HEPH: variants seen among roughly 807,000 people sequenced by gnomAD.
HEPH encodes hephaestin.
Under a neutral mutation model 80.8 loss-of-function variants are expected in HEPH, and 69 were observed. The observed-to-expected ratio is 0.85, with a 90% confidence interval of 0.70 to 1.04. The LOEUF (loss-of-function observed/expected upper bound fraction) is 1.04, where lower values mean the gene tolerates loss of function less well. Among genes scored for constraint, HEPH ranks in the 50% least tolerant of loss-of-function variants. The pLI is 0.00. For missense variants in HEPH, 1,115 were observed against 891.3 expected (o/e 1.25, Z -3.20); for synonymous variants, 431 against 322.8 (o/e 1.34, Z -3.60).
At chrX:66,232,391 T>C (rs1024349168) in intron 15 of HEPH, among the ~76,000 whole-genome samples, 2 of 111,915 alleles carry the variant, frequency 1.8e-5, no homozygotes, top group African/African-American at 3.2e-5. Flanking sequence ...ATACAGCTTC[T>C]CCTGTATTTA....
Position 66,266,790 on chromosome X carries a change from C to T in HEPH, c.*118C>T, listed in dbSNP as rs951143912. ...ATGGGTGGTGGAGAAGCAGAAGGAGCAATCAAGCTTATCTGGATATTTCTT... is the reference window on the plus strand; with the variant it reads ...ATGGGTGGTGGAGAAGCAGAAGGAGTAATCAAGCTTATCTGGATATTTCTT... On this transcript the variant is annotated 3_prime_UTR_variant, in exon 21 of 21. Transcript: ENST00000343002. The T allele has an allele frequency of 8.8e-5, 40 of 454,043 alleles. No individual in the cohort carries two copies. Among genetic ancestry groups the T allele is most frequent in the Non-Finnish European group, 1.2e-4 (32 of 261,183 alleles). The allele number at this position is 454,043 out of a possible 1,213,427, so 37.4% of individuals were successfully genotyped here.
chrX:66,266,128 C>CT (rs113576568), intron 20 of HEPH, among the ~76,000 whole-genome samples: 15,234 of 106,808 alleles, frequency 0.14, 1,066 homozygotes, highest in African/African-American at 0.23. Flanking sequence ...TCAAATTCAT[C>CT]TTTTTTTTTT....
rs753136898 is a variant in HEPH, at chrX:66,197,885, T to C, written c.1704T>C (p.Asp568=). The change falls in exon 10 of 21, where the codon GAT becomes GAC. Residue 568 remains aspartate, a synonymous_variant. Coordinates refer to ENST00000343002, the MANE Select transcript of HEPH (RefSeq NM_001367233.3). ...GCAGGGCTGGTGCCTTGGGTGCAGA[T>C]GGCAAGCAGGTATTGTCAGGGTTAT... ...LVCRAGALGA[D]GKQKGVDKEF... 8.4e-7 allele frequency: 1 copy of C among 1,194,147 alleles called. No individual in the cohort carries two copies. The highest frequency in any genetic ancestry group is 1.8e-5 in the African/African-American group (1 of 57,050).
chrX:66,172,370 C>G lies in HEPH; in HGVS notation c.183C>G (p.Phe61Leu). Residue 61 changes from phenylalanine (F) to leucine (L), a missense_variant, in exon 3 of 21, where the codon TTC becomes TTG. By Grantham distance (22) the Phe-to-Leu change is conservative. Coordinates refer to ENST00000343002, the MANE Select transcript of HEPH (RefSeq NM_001367233.3). ...PLDSDIVASS[F>L]LKSDKNRIGG... is the part of the protein sequence containing the mutation. ...TCTTTCCCAGAGTGGCTTCCAGCTT[C>G]TTAAAGTCTGACAAGAACCGGATAG... 8.5e-7 allele frequency: 1 copy of G among 1,182,779 alleles called. No individual in the cohort carries two copies. Among genetic ancestry groups the G allele is most frequent in the Non-Finnish European group, 1.1e-6 (1 of 881,466 alleles).
chrX:66,251,597 G>C (rs1422373071), intron 15 of HEPH, among the ~76,000 whole-genome samples: 2 of 111,418 alleles, frequency 1.8e-5, no homozygotes, highest in Non-Finnish European at 3.8e-5. Context: ...TTGGATACAA[G>C]AGTGAAGCCT....
At position 66,195,229 on chromosome X, in the gene HEPH, G is replaced by T. The variant is rs2147744626; in HGVS notation, c.1501G>T (p.Gly501Cys). The T allele has an allele frequency of 8.6e-7, 1 of 1,164,572 alleles. No individual in the cohort carries two copies. The highest frequency in any genetic ancestry group is 1.1e-6 in the Non-Finnish European group (1 of 871,891). ...KDYEGTVYND[G>C]SSYPGLVAKP... ...CTATGAAGGCACTGTGTACAATGAT[G>T]GTGAGCCAACAGGGTTTCTAGTAAA... The change falls in exon 9 of 21, where the codon GGC (glycine) becomes TGC (cysteine). Residue 501 changes from glycine to cysteine, a missense_variant and splice_region_variant. Physicochemically the swap from Gly to Cys is radical, Grantham distance 159. Around this residue, in one of 3 missense-constraint regions of HEPH, gnomAD observed 716 missense variants for 523.5 expected, o/e 1.37. Coordinates refer to ENST00000343002, the MANE Select transcript of HEPH (RefSeq NM_001367233.3).
intron 15 of HEPH, among the ~76,000 whole-genome samples, chrX:66,227,433 A>G (rs1285868887): frequency 1.8e-5 from 2 of 111,038 alleles, no homozygotes; most frequent in Non-Finnish European, 3.8e-5. Flanking sequence ...TGGAAATCAC[A>G]CAAGGGAAAG....
intron 8 of HEPH, 108 bp from the exon 9 acceptor site, chrX:66,194,990 T>A: frequency 1.5e-6 from 1 of 646,202 alleles, no homozygotes; most frequent in Non-Finnish European, 2.2e-6. Context: ...GTTTTTTATT[T>A]TCTTCTTCAC....
chrX:66,257,854 TAAG>T (rs989189300), intron 17 of HEPH, among the ~76,000 whole-genome samples: 1 of 111,591 alleles, frequency 9.0e-6, no homozygotes, highest in African/African-American at 3.3e-5. Flanking sequence ...TGTAAGAACA[TAAG>T]AAGTGGGGGA....
intron 2 of HEPH, 136 bp from the exon 3 acceptor site, chrX:66,172,219 G>T: frequency 3.1e-5 from 15 of 481,834 alleles, no homozygotes; most frequent in Non-Finnish European, 4.1e-5. Context: ...TTCATGTTTT[G>T]ATCAGTACAA....
chrX:66,228,986 C>T (rs1311310535), intron 15 of HEPH, among the ~76,000 whole-genome samples: 2 of 112,425 alleles, frequency 1.8e-5, no homozygotes, highest in African/African-American at 6.5e-5. Flanking sequence ...CCTTAAAGAA[C>T]TAGAAGTAGA....
chrX:66,223,312 C>G, intron 15 of HEPH, among the ~76,000 whole-genome samples: 1 of 111,162 alleles, frequency 9.0e-6, no homozygotes, highest in Non-Finnish European at 1.9e-5. Context: ...GTCTTTGGTG[C>G]CTTCTTACTG....
At chrX:66,227,849 T>A (rs1279192001) in intron 15 of HEPH, among the ~76,000 whole-genome samples, 1 of 111,219 alleles carries the variant, frequency 9.0e-6, no homozygotes, top group East Asian at 2.8e-4. Flanking sequence ...AGATTTCTTC[T>A]TTTTGCTTCA....
chrX:66,216,804 TAAAG>T (rs2089417186), intron 15 of HEPH, among the ~76,000 whole-genome samples: 2 of 111,206 alleles, frequency 1.8e-5, no homozygotes, highest in Admixed American at 9.6e-5. Context: ...AATAACAACT[TAAAG>T]AAATTAAAAA....
intron 15 of HEPH, among the ~76,000 whole-genome samples, chrX:66,208,637 T>C (rs1460175057): frequency 5.3e-3 from 155 of 29,033 alleles, no homozygotes; most frequent in African/African-American, 0.015. Context: ...CATACATATA[T>C]ATATATATAT....
intron 4 of HEPH, among the ~76,000 whole-genome samples, chrX:66,178,263 AG>A (rs2086910990): frequency 8.9e-6 from 1 of 112,264 alleles, no homozygotes; most frequent in South Asian, 3.7e-4. Flanking sequence ...GTCCCTACAA[AG>A]GACATGAACT....
intron 13 of HEPH, among the ~76,000 whole-genome samples, chrX:66,205,628 G>A (rs1420669896): frequency 9.5e-6 from 1 of 105,811 alleles, no homozygotes; most frequent in Admixed American, 1.0e-4. Flanking sequence ...TAGAGTCTCA[G>A]TCTGTCACCC....
At chrX:66,228,684 GA>G (rs751188912) in intron 15 of HEPH, among the ~76,000 whole-genome samples, 1 of 110,515 alleles carries the variant, frequency 9.0e-6, no homozygotes, top group Non-Finnish European at 1.9e-5. Context: ...AAATCAGCAA[GA>G]AAAAAAATCC....
At position 66,258,926 on chromosome X, in the gene HEPH, C is replaced by G. The variant is rs1569415253; in HGVS notation, c.2983C>G (p.Gln995Glu). 8.5e-7 allele frequency: 1 copy of G among 1,179,615 alleles called. No homozygotes were observed. Among genetic ancestry groups the G allele is most frequent in the Admixed American group, 2.3e-5 (1 of 43,453 alleles). ...GGCCTGGTACATGCTGGCCATGGGCCAAGATGTGGATCTACACACCATCCA... is the reference window on the plus strand; with the variant it reads ...GGCCTGGTACATGCTGGCCATGGGCGAAGATGTGGATCTACACACCATCCA... ...RVAWYMLAMG[Q>E]DVDLHTIHFH... The change falls in exon 18 of 21, where the codon CAA (glutamine) becomes GAA (glutamate). Residue 995 changes from glutamine (Q) to glutamate (E), a missense_variant. Physicochemically the swap from Gln to Glu is conservative, Grantham distance 29. Transcript: ENST00000343002.
Sources: gnomAD v4.1 joint callset for allele counts (sites outside exome capture counted in the v4.1 genomes callset) on GRCh38, gnomAD v4.1.1 for gene constraint, gnomAD v4.1.1 regional missense constraint, MANE v1.5 for transcripts, NCBI Gene and HGNC (gene_info 2026-07-23, HGNC 2026-07-21) for gene names.